DCAF1: variants seen among roughly 807,000 people sequenced by gnomAD.
The protein encoded by DCAF1 is DDB1 and CUL4 associated factor 1.
DCAF1 carries 15 observed loss-of-function variants against 128.0 expected under a neutral mutation model. The observed-to-expected ratio is 0.12, with a 90% CI of 0.08 to 0.18. DCAF1 has a LOEUF of 0.18. Ranked by LOEUF, DCAF1 falls within the 10% of genes least tolerant of loss-of-function variation. The pLI is 1.00. For missense variants in DCAF1, 988 were observed against 1,649.5 expected, an observed-to-expected ratio of 0.60 and a Z score of 6.95; for synonymous variants, 610 against 603.0, an observed-to-expected ratio of 1.01 and a Z score of -0.17.
chr3:51,482,749 T>A (rs1380492683), intron 3 of DCAF1, among the ~76,000 whole-genome samples: 5 of 112,906 alleles, frequency 4.4e-5, no homozygotes, highest in Admixed American at 1.1e-4. Context: ...CAGGAGACAG[T>A]GCAACACTCC....
chr3:51,413,517 A>C, intron 20 of DCAF1, 131 bp from the exon 21 acceptor site: 1 of 1,399,570 alleles, frequency 7.1e-7, no homozygotes, highest in South Asian at 1.5e-5. Flanking sequence ...TCCCTTGTAC[A>C]GAAATCTACT....
intron 4 of DCAF1, 131 bp from the exon 5 acceptor site, chr3:51,467,007 A>C (rs1432019041): frequency 1.4e-6 from 1 of 700,894 alleles, no homozygotes; most frequent in Non-Finnish European, 2.5e-6. Context: ...AATCAGAAAC[A>C]AAAGATTATT....
intron 6 of DCAF1, among the ~76,000 whole-genome samples, chr3:51,457,310 T>A (rs1553643118): frequency 6.6e-6 from 1 of 152,042 alleles, no homozygotes; most frequent in Non-Finnish European, 1.5e-5. Context: ...AAAAAGGGTA[T>A]CAGTGATGGA....
At chr3:51,486,604 G>A (rs1553655568) in intron 2 of DCAF1, among the ~76,000 whole-genome samples, 1 of 151,916 alleles carries the variant, frequency 6.6e-6, no homozygotes, top group African/African-American at 2.4e-5. Context: ...ATATTTTACT[G>A]CTATCTACTA....
chr3:51,412,109 TAAA>T (rs782087400), intron 23 of DCAF1, among the ~76,000 whole-genome samples: 5 of 29,460 alleles, frequency 1.7e-4, no homozygotes, highest in African/African-American at 2.8e-4. Flanking sequence ...AACTCCATTC[TAAA>T]AAAAAAAAAA....
intron 6 of DCAF1, among the ~76,000 whole-genome samples, chr3:51,461,591 T>A (rs1401696988): frequency 6.6e-6 from 1 of 152,184 alleles, no homozygotes; most frequent in Non-Finnish European, 1.5e-5. Context: ...TAAATCATGC[T>A]GCTATAAAGA....
intron 9 of DCAF1, chr3:51,436,409 C>T: frequency 1.9e-6 from 1 of 520,054 alleles, no homozygotes; most frequent in Non-Finnish European, 3.8e-6. Flanking sequence ...CAATGGGATC[C>T]TTCTGAGGAT....
intron 4 of DCAF1, among the ~76,000 whole-genome samples, chr3:51,470,231 T>G (rs956187159): frequency 6.6e-6 from 1 of 151,990 alleles, no homozygotes; most frequent in African/African-American, 2.4e-5. Flanking sequence ...ATTAGAAAGA[T>G]GAAGGCACAG....
rs371292799 is a variant in DCAF1 at position 51,446,963 on chromosome 3, A to T, written c.376-3060T>A. Among the ~76,000 whole-genome samples, 7 of 136,968 alleles carry T rather than the reference A, an allele frequency of 5.1e-5. No individual in the cohort carries two copies. In the South Asian group the frequency reaches 1.6e-3, roughly 32 times the overall value. 89.9% of individuals were successfully genotyped at this position (136,968 alleles called of 152,430 possible). A position where few individuals can be genotyped will look rare whatever the true frequency, so the allele number is the denominator to read the frequency against. ...CAACAAGAACAAAACTTTGTCTCAA[A>T]AATAATAATAATAATAATAATAATA... On this transcript the variant is annotated intron_variant, in intron 6 of 24. Transcript: ENST00000684031.
chr3:51,458,897 T>C (rs1214345401), intron 6 of DCAF1, among the ~76,000 whole-genome samples: 1 of 152,164 alleles, frequency 6.6e-6, no homozygotes. Flanking sequence ...CCAGAATCTC[T>C]GGGACACATT....
intron 2 of DCAF1, among the ~76,000 whole-genome samples, chr3:51,495,738 T>C (rs1399474719): frequency 6.6e-6 from 1 of 151,530 alleles, no homozygotes; most frequent in Non-Finnish European, 1.5e-5. Context: ...ATGAAAAAAA[T>C]TTAAAAATCA....
chr3:51,499,127 G>T (rs902013282), intron 1 of DCAF1, among the ~76,000 whole-genome samples: 2 of 152,230 alleles, frequency 1.3e-5, no homozygotes, highest in Non-Finnish European at 2.9e-5. Flanking sequence ...TGCCACCGCA[G>T]TAAGAGGAAA....
chr3:51,453,205 G>A (rs541976202), intron 6 of DCAF1, among the ~76,000 whole-genome samples: 6 of 152,142 alleles, frequency 3.9e-5, no homozygotes, highest in East Asian at 3.9e-4. Flanking sequence ...AAATTATAAC[G>A]TTAATCACAA....
At chr3:51,470,901 G>A in intron 4 of DCAF1, 28 bp downstream of exon 4, 4 of 1,448,662 alleles carry the variant, frequency 2.8e-6, no homozygotes, top group South Asian at 2.8e-5. Context: ...AAAAAAAAAA[G>A]ACCCACACTT....
chr3:51,436,464 C>G (rs1700843334), intron 9 of DCAF1: 1 of 518,790 alleles, frequency 1.9e-6, no homozygotes, highest in African/African-American at 1.9e-5. Context: ...AGCCATAACC[C>G]TTATTCTTGT....
intron 3 of DCAF1, among the ~76,000 whole-genome samples, chr3:51,481,242 C>T (rs1454780063): frequency 1.3e-5 from 2 of 152,072 alleles, no homozygotes; most frequent in Non-Finnish European, 2.9e-5. Context: ...AAAAGGAAGT[C>T]GGAGAAGAAT....
chr3:51,447,416 T>A (rs1421445509), intron 6 of DCAF1, among the ~76,000 whole-genome samples: 5 of 151,394 alleles, frequency 3.3e-5, no homozygotes, highest in Admixed American at 6.6e-5. Flanking sequence ...TCTCAAAAAA[T>A]AAATAAATAA....
intron 23 of DCAF1, among the ~76,000 whole-genome samples, chr3:51,407,367 A>G (rs1577056214): frequency 6.6e-6 from 1 of 152,122 alleles, no homozygotes; most frequent in African/African-American, 2.4e-5. Flanking sequence ...TTACATTTCA[A>G]TTCTTTAAGA....
rs537927523 is a variant in DCAF1, at chr3:51,455,977, G to A, written c.375+7137C>T. 1.7e-3 allele frequency among the ~76,000 whole-genome samples: 255 copies of A among 152,264 alleles called. 2 individuals carry two copies. The highest frequency in any genetic ancestry group is 5.6e-3 in the African/African-American group (232 of 41,552). Reference sequence around the variant, plus strand: ...AGCTCCCGTCTACAGCTCCCAGTGCGAGCAACACAGAAGACGGGTGATTTC... The same window carrying A: ...AGCTCCCGTCTACAGCTCCCAGTGCAAGCAACACAGAAGACGGGTGATTTC... On this transcript the variant is annotated intron_variant, in intron 6 of 24. Coordinates refer to ENST00000684031, the MANE Select transcript of DCAF1 (RefSeq NM_001387579.1).
Sources: gnomAD v4.1 joint callset for allele counts (sites outside exome capture counted in the v4.1 genomes callset) on GRCh38, gnomAD v4.1.1 for gene constraint, MANE v1.5 for transcripts, NCBI Gene and HGNC (gene_info 2026-07-23, HGNC 2026-07-21) for gene names.